MICU3: variants seen among roughly 807,000 people sequenced by gnomAD.
MICU3 encodes the protein mitochondrial calcium uptake 3.
MICU3 carries 62 observed loss-of-function variants against 66.5 expected under a neutral mutation model. That is an observed-to-expected ratio of 0.93 (90% confidence interval 0.76 to 1.15). MICU3 has a LOEUF of 1.15. Ranked by LOEUF, MICU3 falls within the 50% of genes most tolerant of loss-of-function variation. The pLI is 0.00. For synonymous variants in MICU3, 308 were observed against 240.7 expected (o/e 1.28, Z -2.59); for missense variants, 779 against 664.4 (o/e 1.17, Z -1.90).
At chr8:17,063,993 CTGTT>C (rs1818280398) in intron 1 of MICU3, 87 bp from the exon 2 acceptor site, 1 of 875,734 alleles carries the variant, frequency 1.1e-6, no homozygotes, top group African/African-American at 1.7e-5. Context: ...CTCATTTACT[CTGTT>C]TATTCACTTT....
At chr8:17,058,391 C>G (rs919414897) in intron 1 of MICU3, among the ~76,000 whole-genome samples, 1 of 152,118 alleles carries the variant, frequency 6.6e-6, no homozygotes, top group Admixed American at 6.6e-5. Flanking sequence ...ATTCATTGTG[C>G]TCCAGTGAAA....
chr8:17,062,076 G>A (rs918576048), intron 1 of MICU3, among the ~76,000 whole-genome samples: 1 of 152,050 alleles, frequency 6.6e-6, no homozygotes, highest in South Asian at 2.1e-4. Context: ...TAAACTCCGG[G>A]GCTTTAGTCT....
rs561257397 is a variant in MICU3 at position 17,098,753 on chromosome 8, A to AT, written c.984+208dup. ...TTGAACTTAATTAAAAGGAAATGGC[A>AT]TTTTTTTTAACTTAAGGATCACTTT... On this transcript the variant is annotated intron_variant, in intron 9 of 14. Coordinates refer to ENST00000318063, the MANE Select transcript of MICU3 (RefSeq NM_181723.3). Among the ~76,000 whole-genome samples the AT allele has an allele frequency of 3.1e-3, 467 of 151,664 alleles. 1 individual carries two copies. Among genetic ancestry groups the AT allele is most frequent in the African/African-American group, 7.5e-3 (310 of 41,426 alleles).
In MICU3 at chr8:17,027,639, A is replaced by T. The variant is rs559381726; in HGVS notation, c.360A>T (p.Pro120=). 349 of 1,304,296 alleles carry T rather than the reference A, an allele frequency of 2.7e-4. 1 individual carries two copies. The African/African-American group carries it at 4.8e-3, about 18-fold the overall frequency. 80.8% of individuals were successfully genotyped at this position (1,304,296 alleles called of 1,614,324 possible). A position where few individuals can be genotyped will look rare whatever the true frequency, so the allele number is the denominator to read the frequency against. Residue 120 remains proline (P), a synonymous_variant, in exon 1 of 15, where the codon CCA becomes CCT. Coordinates refer to ENST00000318063, the MANE Select transcript of MICU3 (RefSeq NM_181723.3). ...GCGGCCGGGGGATGCTGCCCATCCC[A>T]GTGGCGGCTGCCAAGGAGACGGTGA... ...PPRGRGMLPI[P]VAAAKETVAI...
intron 1 of MICU3, among the ~76,000 whole-genome samples, chr8:17,033,127 C>T (rs1160797898): frequency 6.6e-6 from 1 of 152,060 alleles, no homozygotes; most frequent in Non-Finnish European, 1.5e-5. Flanking sequence ...TAAGTGTTCA[C>T]GTGGAAGGAA....
intron 1 of MICU3, among the ~76,000 whole-genome samples, chr8:17,035,892 T>A (rs960431647): frequency 6.6e-6 from 1 of 152,068 alleles, no homozygotes; most frequent in African/African-American, 2.4e-5. Flanking sequence ...GTGGGAAGAA[T>A]GTCTCTAGGC....
chr8:17,107,219 G>GA (rs1446793678), intron 11 of MICU3, among the ~76,000 whole-genome samples: 4 of 152,136 alleles, frequency 2.6e-5, no homozygotes, highest in Non-Finnish European at 2.9e-5. Context: ...GGGAGCAAGA[G>GA]TCATGGGGAC....
intron 11 of MICU3, among the ~76,000 whole-genome samples, chr8:17,106,843 G>T (rs146174499): frequency 6.6e-5 from 10 of 151,150 alleles, no homozygotes; most frequent in African/African-American, 2.2e-4. Flanking sequence ...TACTTAGACC[G>T]TTGTCCAAGG....
intron 1 of MICU3, among the ~76,000 whole-genome samples, chr8:17,058,588 G>T (rs950882352): frequency 2.6e-5 from 4 of 152,038 alleles, no homozygotes; most frequent in Admixed American, 6.6e-5. Context: ...AGACTTTGGG[G>T]TTTTTTTAAA....
At chr8:17,091,305 GC>G (rs1435399412) in intron 8 of MICU3, among the ~76,000 whole-genome samples, 1 of 151,986 alleles carries the variant, frequency 6.6e-6, no homozygotes, top group Non-Finnish European at 1.5e-5. Flanking sequence ...ACAGGCCATG[GC>G]CCTTTTTGAA....
intron 1 of MICU3, among the ~76,000 whole-genome samples, chr8:17,061,900 C>T (rs1396521880): frequency 6.6e-6 from 1 of 152,138 alleles, no homozygotes; most frequent in Admixed American, 6.5e-5. Context: ...CACGGCAGGG[C>T]CAAAACAATT....
intron 1 of MICU3, among the ~76,000 whole-genome samples, chr8:17,036,982 C>T (rs10105144): frequency 1.1e-3 from 166 of 152,310 alleles, no homozygotes; most frequent in African/African-American, 3.7e-3. Context: ...AGCTAAGGCT[C>T]GGCGAGAAAT....
intron 9 of MICU3, among the ~76,000 whole-genome samples, chr8:17,099,831 C>G (rs1325962890): frequency 2.0e-5 from 3 of 151,734 alleles, no homozygotes. Flanking sequence ...TCATTGTTGT[C>G]TCTCCCCATA....
intron 5 of MICU3, among the ~76,000 whole-genome samples, chr8:17,082,913 T>C (rs895455800): frequency 6.6e-6 from 1 of 152,142 alleles, no homozygotes; most frequent in African/African-American, 2.4e-5. Context: ...CAAAAAATAT[T>C]TTTTTCTCTT....
intron 8 of MICU3, among the ~76,000 whole-genome samples, chr8:17,094,250 T>C (rs527990004): frequency 1.3e-5 from 2 of 152,164 alleles, no homozygotes; most frequent in South Asian, 2.1e-4. Flanking sequence ...CTTTTTTTGC[T>C]GTTAACAGTG....
chr8:17,089,860 T>C (rs909162388), intron 7 of MICU3, among the ~76,000 whole-genome samples: 1 of 152,076 alleles, frequency 6.6e-6, no homozygotes, highest in African/African-American at 2.4e-5. Context: ...TGTAGCTACT[T>C]TAAACTGAAT....
At position 17,027,297 on chromosome 8, in the gene MICU3, G is replaced by C. The variant is rs775181372; in HGVS notation, c.18G>C (p.Arg6Ser). 21 of 1,520,358 alleles carry C rather than the reference G, an allele frequency of 1.4e-5. No homozygotes were observed. The highest frequency in any genetic ancestry group is 2.9e-5 in the African/African-American group (2 of 69,048). The allele number at this position is 1,520,358 out of a possible 1,614,324, so 94.2% of individuals were successfully genotyped here. The change falls in exon 1 of 15, where the codon AGG becomes AGC. Residue 6 changes from arginine (R) to serine (S), a missense_variant. By Grantham distance (110) the Arg-to-Ser change is moderately radical (BLOSUM62 -1). Transcript: ENST00000318063. Reference sequence around the variant, plus strand: ...CCTCCGCTATGGCTGCGCTGCGAAGGCTCTTGTGGCCGCCACCCCGGGTGT... The same window carrying C: ...CCTCCGCTATGGCTGCGCTGCGAAGCCTCTTGTGGCCGCCACCCCGGGTGT... Reference protein sequence around the residue: MAALRRLLWPPPRVSP... With the variant: MAALRSLLWPPPRVSP...
intron 8 of MICU3, among the ~76,000 whole-genome samples, chr8:17,097,493 G>C (rs1046634171): frequency 5.3e-5 from 8 of 151,650 alleles, no homozygotes; most frequent in African/African-American, 1.9e-4. Context: ...TTTCTAGTTA[G>C]TAATAGTGAA....
chr8:17,055,144 C>T (rs1585253433), intron 1 of MICU3, among the ~76,000 whole-genome samples: 2 of 152,110 alleles, frequency 1.3e-5, no homozygotes, highest in Admixed American at 6.6e-5. Flanking sequence ...CTGCAAATAA[C>T]ACTAAATATC....
Sources: allele counts gnomAD v4.1 joint callset (sites outside exome capture counted in the v4.1 genomes callset), GRCh38; gene constraint gnomAD v4.1.1; transcripts MANE v1.5; gene names NCBI Gene and HGNC (gene_info 2026-07-23, HGNC 2026-07-21).